DCAF17: variants seen among roughly 807,000 people sequenced by gnomAD.
The protein encoded by DCAF17 is DDB1 and CUL4 associated factor 17.
Under a neutral mutation model 66.0 loss-of-function variants are expected in DCAF17, and 48 were observed. The ratio of observed to expected loss-of-function variants is 0.73; its 90% CI spans 0.58 to 0.92. DCAF17 has a LOEUF of 0.92. Among genes scored for constraint, DCAF17 ranks in the 40% least tolerant of loss-of-function variants. The pLI, the probability that DCAF17 is intolerant of heterozygous loss-of-function variation, is 0.00. For synonymous variants in DCAF17, 206 were observed against 214.6 expected, an observed-to-expected ratio of 0.96 and a Z score of 0.35; for missense variants, 562 against 622.8, an observed-to-expected ratio of 0.90 and a Z score of 1.04.
chr2:171,449,065 G>A (rs1694803026), intron 4 of DCAF17, among the ~76,000 whole-genome samples: 1 of 151,844 alleles, frequency 6.6e-6, no homozygotes, highest in South Asian at 2.1e-4. Flanking sequence ...CTGGAGTGCA[G>A]TGGCGTGATC....
chr2:171,479,006 A>G (rs1392101660), intron 12 of DCAF17, among the ~76,000 whole-genome samples: 1 of 152,222 alleles, frequency 6.6e-6, no homozygotes, highest in Non-Finnish European at 1.5e-5. Flanking sequence ...TAGCCTGTAA[A>G]GGAAAAGTTT....
chr2:171,443,813 G>A (rs1449850142), intron 3 of DCAF17, among the ~76,000 whole-genome samples, 200 bp downstream of exon 3: 1 of 151,808 alleles, frequency 6.6e-6, no homozygotes, highest in African/African-American at 2.4e-5. Context: ...TTATGAATGT[G>A]TTTTTAAAAT....
At position 171,443,530 on chromosome 2, in the gene DCAF17, T is replaced by A; in HGVS notation, c.238T>A (p.Ser80Thr). The A allele has an allele frequency of 6.2e-7, 1 of 1,612,346 alleles. No individual in the cohort carries two copies. Among genetic ancestry groups the A allele is most frequent in the Non-Finnish European group, 8.5e-7 (1 of 1,179,032 alleles). ...ATTTTTCTTTTTTCCCAGTGTTGCATCTGAGCCAAGAAAACTTTATGAAAT... is the reference window on the plus strand; with the variant it reads ...ATTTTTCTTTTTTCCCAGTGTTGCAACTGAGCCAAGAAAACTTTATGAAAT... ...NYRRCVSSVA[S>T]EPRKLYEMPK... Residue 80 changes from serine (S) to threonine (T), a missense_variant, in exon 3 of 14, where the codon TCT becomes ACT. Around this residue, in one of 3 missense-constraint regions of DCAF17, gnomAD observed 348 missense variants for 355.9 expected, o/e 0.98. Transcript: ENST00000375255.
At chr2:171,443,053 GGTTTTTT>G (rs904178736) in intron 2 of DCAF17, 6 of 151,214 alleles carry the variant, frequency 4.0e-5, no homozygotes, top group African/African-American at 7.3e-5. Flanking sequence ...AACCATAAAG[GGTTTTTT>G]GTTTTTTGTT....
At chr2:171,452,732 G>A (rs1022367638) in intron 5 of DCAF17, among the ~76,000 whole-genome samples, 1 of 152,188 alleles carries the variant, frequency 6.6e-6, no homozygotes, top group Admixed American at 6.5e-5. Context: ...CCAAAGGGCT[G>A]GAATTATAGG....
chr2:171,444,989 G>T (rs1370809337), intron 3 of DCAF17, among the ~76,000 whole-genome samples: 1 of 152,086 alleles, frequency 6.6e-6, no homozygotes, highest in Non-Finnish European at 1.5e-5. Context: ...AAAAGTAACT[G>T]TTGTGCCTTT....
In DCAF17 at chr2:171,484,933, GTATTC is replaced by G; in HGVS notation, c.*3821_*3825del. On this transcript the variant is annotated 3_prime_UTR_variant, in exon 14 of 14. Transcript: ENST00000375255. ...GTGATTCATTTCTTTTTATTGCTGA[GTATTC>G]TTTCGTATGAATATATCACAGTTTG... 1 of 453,940 alleles carries G rather than the reference GTATTC, an allele frequency of 2.2e-6. No homozygotes were observed. The highest frequency in any genetic ancestry group is 4.4e-6 in the Non-Finnish European group (1 of 226,740). 28.1% of individuals were successfully genotyped at this position (453,940 alleles called of 1,614,324 possible). A position where few individuals can be genotyped will look rare whatever the true frequency, so the allele number is the denominator to read the frequency against.
intron 4 of DCAF17, 30 bp from the exon 5 acceptor site, chr2:171,449,849 T>A (rs979757217): frequency 6.3e-7 from 1 of 1,582,532 alleles, no homozygotes; most frequent in African/African-American, 1.3e-5. Flanking sequence ...CTGACCCAAA[T>A]AAATAAACTT....
At chr2:171,454,377 TG>T (rs1695127025) in intron 6 of DCAF17, among the ~76,000 whole-genome samples, 1 of 151,336 alleles carries the variant, frequency 6.6e-6, no homozygotes, top group Non-Finnish European at 1.5e-5. Flanking sequence ...CTCTGCCTCC[TG>T]GGTTCAAACA....
intron 11 of DCAF17, 115 bp downstream of exon 11, chr2:171,477,065 A>T: frequency 1.3e-6 from 1 of 785,590 alleles, no homozygotes; most frequent in South Asian, 1.6e-5. Context: ...CAGCCCTATA[A>T]AAGTCTGTAC....
Position 171,481,667 on chromosome 2 carries a change from A to G in DCAF17, c.*553A>G, listed in dbSNP as rs1208980876. 1 of 453,338 alleles carries G rather than the reference A, an allele frequency of 2.2e-6. No individual in the cohort carries two copies. 28.1% of individuals were successfully genotyped at this position (453,338 alleles called of 1,614,324 possible). On this transcript the variant is annotated 3_prime_UTR_variant, in exon 14 of 14. Coordinates refer to ENST00000375255, the MANE Select transcript of DCAF17 (RefSeq NM_025000.4). ...ATATATGTATTTATATGTGTTTCGT[A>G]TTTGTATATAGTATCAGGAATTGGT...
intron 8 of DCAF17, among the ~76,000 whole-genome samples, chr2:171,460,152 A>G (rs994224515): frequency 3.4e-4 from 52 of 151,964 alleles, no homozygotes; most frequent in Admixed American, 3.2e-3. Flanking sequence ...GTGAAACCCC[A>G]TCTCTACTAA....
chr2:171,470,898 A>G (rs1696209090), intron 9 of DCAF17, among the ~76,000 whole-genome samples: 2 of 152,186 alleles, frequency 1.3e-5, no homozygotes, highest in African/African-American at 2.4e-5. Flanking sequence ...TTCAGAAAAA[A>G]AAAGGATGGT....
In DCAF17 at chr2:171,473,901, T is replaced by C. The variant is rs770373151; in HGVS notation, c.1017T>C (p.Ser339=). The change falls in exon 10 of 14, where the codon TCT becomes TCC. Residue 339 remains serine, a synonymous_variant. Coordinates refer to ENST00000375255, the MANE Select transcript of DCAF17 (RefSeq NM_025000.4). ...GGATCCAAGAAATGGATTGTTGTTC[T>C]CTAGAATCTGACTGGATCTATTTCC... ...KNGIQEMDCC[S]LESDWIYFHP... 6.2e-7 allele frequency: 1 copy of C among 1,613,884 alleles called. No homozygotes were observed. The highest frequency in any genetic ancestry group is 8.5e-7 in the Non-Finnish European group (1 of 1,179,864).
At chr2:171,456,372 T>C (rs1695261199) in intron 6 of DCAF17, among the ~76,000 whole-genome samples, 1 of 152,238 alleles carries the variant, frequency 6.6e-6, no homozygotes, top group Non-Finnish European at 1.5e-5. Context: ...TCTGTTCTTG[T>C]ACCAGTACCA....
chr2:171,464,852 C>CTATA (rs148433321), intron 8 of DCAF17, among the ~76,000 whole-genome samples: 2 of 151,890 alleles, frequency 1.3e-5, no homozygotes, highest in East Asian at 3.9e-4. Flanking sequence ...CTTTATCCTA[C>CTATA]TATATATATA....
chr2:171,479,337 T>G (rs1345341225), intron 12 of DCAF17, among the ~76,000 whole-genome samples: 1 of 152,168 alleles, frequency 6.6e-6, no homozygotes, highest in Non-Finnish European at 1.5e-5. Flanking sequence ...TCCTGGATGC[T>G]TGGGCACTGA....
chr2:171,459,841 A>G (rs533032181), intron 8 of DCAF17, among the ~76,000 whole-genome samples: 1 of 152,326 alleles, frequency 6.6e-6, no homozygotes, highest in Admixed American at 6.5e-5. Flanking sequence ...CCTTGGACAA[A>G]CTGAATTAGG....
chr2:171,458,763 G>A (rs1695406324), intron 8 of DCAF17, among the ~76,000 whole-genome samples: 1 of 152,012 alleles, frequency 6.6e-6, no homozygotes, highest in African/African-American at 2.4e-5. Flanking sequence ...TGCAAAATGA[G>A]TTGCAGCAAA....
Sources: gnomAD v4.1 joint callset for allele counts (sites outside exome capture counted in the v4.1 genomes callset) on GRCh38, gnomAD v4.1.1 for gene constraint, gnomAD v4.1.1 regional missense constraint, MANE v1.5 for transcripts, NCBI Gene and HGNC (gene_info 2026-07-23, HGNC 2026-07-21) for gene names.